Variants in GNB4 observed in about 807,000 individuals in gnomAD.
The protein encoded by GNB4 is guanine nucleotide-binding protein subunit beta-4.
GNB4 carries 28 observed loss-of-function variants against 45.2 expected under a neutral mutation model. The observed-to-expected ratio is 0.62, with a 90% CI of 0.46 to 0.85. GNB4 has a LOEUF of 0.85. Ranked by LOEUF, GNB4 falls within the 40% of genes least tolerant of loss-of-function variation. The pLI is 0.00. For missense variants in GNB4, 321 were observed against 425.4 expected (o/e 0.75, Z 2.16); for synonymous variants, 132 against 143.7 (o/e 0.92, Z 0.58).
At chr3:179,487,954 G>A in the GNB4 span, among the ~76,000 whole-genome samples, 1 of 152,082 alleles carries the variant, frequency 6.6e-6, no homozygotes, top group African/African-American at 2.4e-5. Context: ...AGGAGGCTGA[G>A]GTGGGAGAAT....
chr3:179,403,821 AAAGTT>A (rs1301912576), intron 9 of GNB4, among the ~76,000 whole-genome samples: 4 of 151,610 alleles, frequency 2.6e-5, no homozygotes, highest in Admixed American at 6.6e-5. Flanking sequence ...AAAATAAAAT[AAAGTT>A]AAGTAAAATA....
chr3:179,448,505 T>G (rs775098831), intron 1 of GNB4, among the ~76,000 whole-genome samples: 1 of 152,142 alleles, frequency 6.6e-6, no homozygotes, highest in Non-Finnish European at 1.5e-5. Flanking sequence ...GAGTTTATAT[T>G]ATTCACATAA....
At chr3:179,428,776 C>G (rs183631353) in intron 1 of GNB4, among the ~76,000 whole-genome samples, 50 of 152,250 alleles carry the variant, frequency 3.3e-4, no homozygotes, top group African/African-American at 1.1e-3. Flanking sequence ...CAGGCTGGGT[C>G]TCAGAACTTT....
intron 1 of GNB4, among the ~76,000 whole-genome samples, chr3:179,448,854 G>T (rs1286076045): frequency 6.6e-6 from 1 of 152,168 alleles, no homozygotes; most frequent in Non-Finnish European, 1.5e-5. Context: ...TGAGGTGGGT[G>T]GACTGCTTGA....
the GNB4 span, among the ~76,000 whole-genome samples, chr3:179,493,912 C>G: frequency 1.3e-5 from 2 of 152,308 alleles, no homozygotes; most frequent in East Asian, 3.9e-4. Context: ...TTTGATCTCT[C>G]TTTCTTTTCC....
chr3:179,412,750 G>A (rs1205064681), intron 8 of GNB4, among the ~76,000 whole-genome samples: 11 of 151,280 alleles, frequency 7.3e-5, no homozygotes, highest in Admixed American at 7.3e-4. Context: ...TCTTTGGGTT[G>A]TTCACTTTGG....
At chr3:179,415,205 A>C (rs1714762240) in intron 5 of GNB4, among the ~76,000 whole-genome samples, 158 bp from the exon 6 acceptor site, 1 of 152,230 alleles carries the variant, frequency 6.6e-6, no homozygotes, top group African/African-American at 2.4e-5. Flanking sequence ...AACCATGAAA[A>C]ATACAACACT....
At chr3:179,428,280 TTC>T (rs1417960455) in intron 1 of GNB4, among the ~76,000 whole-genome samples, 10 of 140,470 alleles carry the variant, frequency 7.1e-5, no homozygotes, top group African/African-American at 2.5e-4. Context: ...TGTGGCATAT[TTC>T]TCTGTTTATC....
chr3:179,460,615 A>T, the GNB4 span, among the ~76,000 whole-genome samples: 1 of 152,138 alleles, frequency 6.6e-6, no homozygotes, highest in Non-Finnish European at 1.5e-5. Flanking sequence ...CTTTTATTTT[A>T]AAAACCAAAC....
chr3:179,478,024 G>C, the GNB4 span, among the ~76,000 whole-genome samples: 1 of 152,252 alleles, frequency 6.6e-6, no homozygotes, highest in South Asian at 2.1e-4. Context: ...TTATAGTTCT[G>C]GGGGCTGGGG....
chr3:179,439,222 G>C (rs1269428538), intron 1 of GNB4, among the ~76,000 whole-genome samples: 1 of 152,128 alleles, frequency 6.6e-6, no homozygotes, highest in Non-Finnish European at 1.5e-5. Context: ...GTTTAACATC[G>C]TGTGATTGGA....
chr3:179,423,759 C>T (rs1481147840), intron 2 of GNB4, among the ~76,000 whole-genome samples: 1 of 149,638 alleles, frequency 6.7e-6, no homozygotes, highest in Non-Finnish European at 1.5e-5. Flanking sequence ...CCAGCCTGGG[C>T]GACTGAGACT....
chr3:179,416,747 A>T (rs1338247881), intron 4 of GNB4, among the ~76,000 whole-genome samples, 191 bp from the exon 5 acceptor site: 1 of 152,238 alleles, frequency 6.6e-6, no homozygotes, highest in Non-Finnish European at 1.5e-5. Context: ...CATATTTCAT[A>T]AAATAAAATT....
chr3:179,486,761 GAC>G, the GNB4 span, among the ~76,000 whole-genome samples: 2 of 152,192 alleles, frequency 1.3e-5, no homozygotes, highest in African/African-American at 4.8e-5. Context: ...AAGCTGAGTA[GAC>G]ACACAAACTG....
the GNB4 span, among the ~76,000 whole-genome samples, chr3:179,498,649 G>A: frequency 6.6e-6 from 1 of 151,886 alleles, no homozygotes; most frequent in Non-Finnish European, 1.5e-5. Flanking sequence ...TGGTCAGGCT[G>A]GTCTGGAACT....
At chr3:179,426,521 A>C (rs1422093746) in intron 1 of GNB4, among the ~76,000 whole-genome samples, 1 of 152,132 alleles carries the variant, frequency 6.6e-6, no homozygotes, top group Non-Finnish European at 1.5e-5. Context: ...TCTGGTGAGA[A>C]ATATTTTACA....
intron 1 of GNB4, among the ~76,000 whole-genome samples, chr3:179,442,549 GCATT>G (rs1715620134): frequency 6.6e-6 from 1 of 151,944 alleles, no homozygotes; most frequent in Non-Finnish European, 1.5e-5. Flanking sequence ...ACCCACTCAA[GCATT>G]ATTATCTCTT....
chr3:179,511,745 GA>G, the GNB4 span, among the ~76,000 whole-genome samples: 1 of 151,686 alleles, frequency 6.6e-6, no homozygotes, highest in Non-Finnish European at 1.5e-5. Flanking sequence ...CAAAAAAAAA[GA>G]AAAAAAGAGG....
At chr3:179,429,474 G>A (rs1715241640) in intron 1 of GNB4, among the ~76,000 whole-genome samples, 2 of 152,150 alleles carry the variant, frequency 1.3e-5, no homozygotes, top group Non-Finnish European at 2.9e-5. Flanking sequence ...AAGATCCCAG[G>A]TCCTTTACAG....
Sources: allele counts gnomAD v4.1 joint callset (sites outside exome capture counted in the v4.1 genomes callset), GRCh38; gene constraint gnomAD v4.1.1; transcripts MANE v1.5; gene names NCBI Gene and HGNC (gene_info 2026-07-23, HGNC 2026-07-21).